Variants in ANO2 observed in about 807,000 individuals in gnomAD.
ANO2 encodes the protein anoctamin-2.
ANO2 carries 101 observed loss-of-function variants against 124.2 expected under a neutral mutation model. That is an observed-to-expected ratio of 0.81 (90% CI 0.69 to 0.96). The LOEUF (loss-of-function observed/expected upper bound fraction) is 0.96, where lower values mean the gene tolerates loss of function less well. ANO2 is among the 40% of genes least tolerant of loss of function. ANO2 has a pLI of 0.00. For missense variants in ANO2, 1,293 were observed against 1,274.5 expected, an observed-to-expected ratio of 1.01 and a Z score of -0.22; for synonymous variants, 486 against 482.5, an observed-to-expected ratio of 1.01 and a Z score of -0.09.
intron 14 of ANO2, among the ~76,000 whole-genome samples, chr12:5,653,089 G>C (rs1052339417): frequency 6.6e-6 from 1 of 152,206 alleles, no homozygotes; most frequent in African/African-American, 2.4e-5. Flanking sequence ...CCTAAAAAGA[G>C]AATGAAGACG....
chr12:5,811,190 T>C (rs1007549913), intron 7 of ANO2, among the ~76,000 whole-genome samples: 2 of 152,222 alleles, frequency 1.3e-5, no homozygotes, highest in African/African-American at 4.8e-5. Context: ...AAAATCCATT[T>C]GGTTTTGATT....
At chr12:5,716,230 A>C (rs1176381435) in intron 14 of ANO2, among the ~76,000 whole-genome samples, 1 of 152,208 alleles carries the variant, frequency 6.6e-6, no homozygotes, top group Non-Finnish European at 1.5e-5. Flanking sequence ...TCTAGGGGGC[A>C]GGTGATAAAC....
intron 10 of ANO2, among the ~76,000 whole-genome samples, chr12:5,753,941 G>T (rs1245131851): frequency 6.6e-6 from 1 of 152,044 alleles, no homozygotes; most frequent in Non-Finnish European, 1.5e-5. Flanking sequence ...GTAAGAATGG[G>T]CATTTTTGCC....
At position 5,774,493 on chromosome 12, in the gene ANO2, T is replaced by C. The variant is rs1952171985; in HGVS notation, c.1056-23523A>G. 5.3e-5 allele frequency among the ~76,000 whole-genome samples: 8 copies of C among 152,126 alleles called. No homozygotes were observed. In the South Asian group the frequency reaches 1.7e-3, roughly 32 times the overall value. ...ATAAAAAAGTTTTTCTTCAGTGTTT[T>C]CAAGGGGAAAGAAAGAAGAGCACTA... is the stretch of plus-strand genomic sequence containing the variant. On this transcript the variant is annotated intron_variant, in intron 10 of 24. Coordinates refer to ENST00000682330, the MANE Select transcript of ANO2 (RefSeq NM_001364791.2).
In ANO2 at chr12:5,896,320, T is replaced by C. The variant is rs182856009; in HGVS notation, c.534+24720A>G. Among the ~76,000 whole-genome samples, 10 of 152,312 alleles carry C rather than the reference T, an allele frequency of 6.6e-5. No individual in the cohort carries two copies. In the East Asian group the frequency reaches 1.3e-3, roughly 21 times the overall value. On this transcript the variant is annotated intron_variant, in intron 3 of 24. Coordinates refer to ENST00000682330, the MANE Select transcript of ANO2 (RefSeq NM_001364791.2). Reference sequence around the variant, plus strand: ...AAAAAAGTATATCTGTTGTAATCCCTAGATCAACAACTAATAAAATCACAC... The same window carrying C: ...AAAAAAGTATATCTGTTGTAATCCCCAGATCAACAACTAATAAAATCACAC...
Position 5,705,886 on chromosome 12 carries a change from C to T in ANO2, c.1545+26634G>A, listed in dbSNP as rs373169868. Among the ~76,000 whole-genome samples, 10 of 152,304 alleles carry T rather than the reference C, an allele frequency of 6.6e-5. No individual in the cohort carries two copies. The East Asian group carries it at 1.4e-3, about 21-fold the overall frequency. On this transcript the variant is annotated intron_variant, in intron 14 of 24. Coordinates refer to ENST00000682330, the MANE Select transcript of ANO2 (RefSeq NM_001364791.2). ...CTACCCATTTAAGATCACAAGCTCCCGTGGTTCTTTCCAAAAGCCAAATGC... is the reference window on the plus strand; with the variant it reads ...CTACCCATTTAAGATCACAAGCTCCTGTGGTTCTTTCCAAAAGCCAAATGC...
At chr12:5,841,332 T>A (rs901868503) in intron 4 of ANO2, among the ~76,000 whole-genome samples, 2 of 152,156 alleles carry the variant, frequency 1.3e-5, no homozygotes, top group African/African-American at 2.4e-5. Context: ...CCACCCCACC[T>A]GTGTCCACAG....
chr12:5,563,375 G>A lies in ANO2; in HGVS notation c.2921C>T (p.Ala974Val). 4 of 1,605,332 alleles carry A rather than the reference G, an allele frequency of 2.5e-6. No individual in the cohort carries two copies. The highest frequency in any genetic ancestry group is 3.4e-6 in the Non-Finnish European group (4 of 1,176,692). The change falls in exon 25 of 25, where the codon GCA becomes GTA. Residue 974 changes from alanine to valine, a missense_variant. Physicochemically the swap from Ala to Val is moderately conservative, Grantham distance 64 (BLOSUM62 0). Coordinates refer to ENST00000682330, the MANE Select transcript of ANO2 (RefSeq NM_001364791.2). ...TTGGCCTGAAGGTGCTGAGCTGGCT[G>A]CCCGGCTCCTGCTTCGATCCCCACC... ...PGGGDRSRSR[A>V]ASSAPSGQSQ...
chr12:5,840,602 C>T (rs1954483915), intron 4 of ANO2, among the ~76,000 whole-genome samples: 2 of 152,116 alleles, frequency 1.3e-5, no homozygotes, highest in Admixed American at 6.5e-5. Flanking sequence ...AAAGGTCTAA[C>T]AGTATAAGAT....
intron 10 of ANO2, among the ~76,000 whole-genome samples, chr12:5,757,103 G>A (rs979829722): frequency 2.0e-5 from 3 of 152,190 alleles, no homozygotes; most frequent in African/African-American, 7.2e-5. Flanking sequence ...GCTCCACCAG[G>A]GTTCTGCAAC....
At chr12:5,880,283 G>T (rs968732546) in intron 3 of ANO2, among the ~76,000 whole-genome samples, 1 of 152,166 alleles carries the variant, frequency 6.6e-6, no homozygotes, top group Non-Finnish European at 1.5e-5. Flanking sequence ...TCAGGAGACA[G>T]ACATAAGAGC....
At position 5,893,489 on chromosome 12, in the gene ANO2, C is replaced by CT. The variant is rs1175378261; in HGVS notation, c.534+27550dup. On this transcript the variant is annotated intron_variant, in intron 3 of 24. Coordinates refer to ENST00000682330, the MANE Select transcript of ANO2 (RefSeq NM_001364791.2). ...TATGTAGTTTTTTTTCCCTTTTTTT[C>CT]TTTTTTTTTTTTTAATTATACTTTA... Among the ~76,000 whole-genome samples the CT allele has an allele frequency of 6.5e-3, 893 of 137,766 alleles. 2 individuals are homozygous for CT. The highest frequency in any genetic ancestry group is 9.6e-3 in the Non-Finnish European group (609 of 63,186). 90.4% of individuals were successfully genotyped at this position (137,766 alleles called of 152,430 possible).
intron 4 of ANO2, among the ~76,000 whole-genome samples, chr12:5,839,187 T>G (rs939390071): frequency 1.3e-5 from 2 of 151,908 alleles, no homozygotes; most frequent in Admixed American, 1.3e-4. Flanking sequence ...CCCAAGAAAC[T>G]CCCTGAGTTG....
At chr12:5,751,978 T>A (rs1951455124) in intron 10 of ANO2, among the ~76,000 whole-genome samples, 1 of 152,204 alleles carries the variant, frequency 6.6e-6, no homozygotes, top group South Asian at 2.1e-4. Flanking sequence ...TCATGCAGTA[T>A]TTGTGCTTCT....
At position 5,769,710 on chromosome 12, in the gene ANO2, C is replaced by T. The variant is rs1038650757; in HGVS notation, c.1056-18740G>A. Among the ~76,000 whole-genome samples, 2 of 152,304 alleles carry T rather than the reference C, an allele frequency of 1.3e-5. No individual in the cohort carries two copies. Among genetic ancestry groups the T allele is most frequent in the Middle Eastern group, 3.4e-3 (1 of 294 alleles). Reference sequence around the variant, plus strand: ...GGAAGATCTCAGAGTAAAATAAAATCGCTCCATTTCTGCGTGCACCCTTCA... The same window carrying T: ...GGAAGATCTCAGAGTAAAATAAAATTGCTCCATTTCTGCGTGCACCCTTCA... On this transcript the variant is annotated intron_variant, in intron 10 of 24. Transcript: ENST00000682330. This position sits in a 1 kb window ranked among gnomAD's most constrained non-coding sequence, Gnocchi z 4.0.
intron 14 of ANO2, among the ~76,000 whole-genome samples, chr12:5,712,106 T>C (rs1049826999): frequency 8.5e-5 from 13 of 152,292 alleles, no homozygotes; most frequent in Admixed American, 5.9e-4. Flanking sequence ...CTCTCAAAGA[T>C]AGTTCATCTT....
intron 20 of ANO2, among the ~76,000 whole-genome samples, chr12:5,598,030 C>T (rs1341220650): frequency 2.0e-5 from 3 of 152,214 alleles, no homozygotes; most frequent in Admixed American, 6.5e-5. Flanking sequence ...GAATTGTAGA[C>T]ATCCCAGGGC....
intron 4 of ANO2, among the ~76,000 whole-genome samples, chr12:5,840,937 A>T (rs1370612772): frequency 6.6e-6 from 1 of 152,156 alleles, no homozygotes. Flanking sequence ...CTCACCCTAA[A>T]GGCTCAGACA....
At chr12:5,920,313 G>C (rs1941625745) in intron 3 of ANO2, among the ~76,000 whole-genome samples, 1 of 152,154 alleles carries the variant, frequency 6.6e-6, no homozygotes, top group Non-Finnish European at 1.5e-5. Context: ...TAGTGAATGA[G>C]ATTCATATAG....
Sources: allele counts gnomAD v4.1 joint callset (sites outside exome capture counted in the v4.1 genomes callset), GRCh38; gene constraint gnomAD v4.1.1; non-coding constraint Gnocchi (gnomAD v3.1); transcripts MANE v1.5; gene names NCBI Gene and HGNC (gene_info 2026-07-23, HGNC 2026-07-21).